The following PTPRT variants were observed in gnomAD, a reference collection of about 807,000 sequenced individuals.
PTPRT encodes the protein receptor-type tyrosine-protein phosphatase T.
A neutral mutation model predicts 176.8 loss-of-function variants in PTPRT; 56 were observed. The ratio of observed to expected loss-of-function variants is 0.32; its 90% confidence interval spans 0.26 to 0.40. The LOEUF is 0.40. Among genes scored for constraint, PTPRT ranks in the 10% least tolerant of loss-of-function variants. The pLI is 1.00. For synonymous variants in PTPRT, 783 were observed against 739.0 expected, an observed-to-expected ratio of 1.06 and a Z score of -0.96; for missense variants, 1,540 against 1,908.2, an observed-to-expected ratio of 0.81 and a Z score of 3.60.
At chr20:42,302,660 T>C (rs574652639) in intron 12 of PTPRT, among the ~76,000 whole-genome samples, 2 of 152,242 alleles carry the variant, frequency 1.3e-5, no homozygotes, top group African/African-American at 2.4e-5. Context: ...CACTGGATTG[T>C]GGGTTCGCTG....
intron 5 of PTPRT, among the ~76,000 whole-genome samples, chr20:42,759,871 G>A (rs1256335000): frequency 1.3e-5 from 2 of 152,196 alleles, no homozygotes; most frequent in African/African-American, 4.8e-5. Context: ...GGCCCCAACA[G>A]GTGGTGTCTC....
At position 42,657,576 on chromosome 20, in the gene PTPRT, A is replaced by T. The variant is rs530927616; in HGVS notation, c.1153+20290T>A. Among the ~76,000 whole-genome samples the T allele has an allele frequency of 4.6e-5, 7 of 151,838 alleles. No individual in the cohort carries two copies. The East Asian group carries it at 9.7e-4, about 21-fold the overall frequency. On this transcript the variant is annotated intron_variant, in intron 7 of 30. Coordinates refer to ENST00000373187, the MANE Select transcript of PTPRT (RefSeq NM_007050.6). ...TTATTAGTATGGCTTTGTGGGGGGG[A>T]AAAATCTGTGCTTCAATGAAAAACT...
chr20:42,420,236 C>T (rs2078036549), intron 9 of PTPRT, among the ~76,000 whole-genome samples: 1 of 152,126 alleles, frequency 6.6e-6, no homozygotes, highest in African/African-American at 2.4e-5. Flanking sequence ...AAAAGTGAAC[C>T]ATTATGTAAA....
intron 2 of PTPRT, among the ~76,000 whole-genome samples, chr20:42,842,501 C>A (rs996270971): frequency 6.6e-6 from 1 of 152,128 alleles, no homozygotes; most frequent in Non-Finnish European, 1.5e-5. Context: ...CTCACTGCAA[C>A]CTCTGCCCCC....
At chr20:42,901,748 G>T (rs573840199) in intron 1 of PTPRT, among the ~76,000 whole-genome samples, 2 of 152,222 alleles carry the variant, frequency 1.3e-5, no homozygotes, top group Admixed American at 1.3e-4. Context: ...GCCCCATTAA[G>T]GAAAGGAAGC....
At chr20:42,943,828 A>G (rs1980717239) in intron 1 of PTPRT, among the ~76,000 whole-genome samples, 1 of 152,074 alleles carries the variant, frequency 6.6e-6, no homozygotes, top group Admixed American at 6.5e-5. Context: ...CAGCCTGGGC[A>G]ACATAGCAAC....
At chr20:42,919,430 C>T (rs1027824212) in intron 1 of PTPRT, among the ~76,000 whole-genome samples, 2 of 152,184 alleles carry the variant, frequency 1.3e-5, no homozygotes, top group South Asian at 2.1e-4. Flanking sequence ...GCCTCAAAGA[C>T]ATGAGAGTGA....
intron 2 of PTPRT, among the ~76,000 whole-genome samples, chr20:42,872,268 A>C (rs780564928): frequency 1.3e-5 from 2 of 152,234 alleles, no homozygotes; most frequent in African/African-American, 4.8e-5. Flanking sequence ...TTTTTAGAAA[A>C]GGGTAATTTC....
intron 12 of PTPRT, among the ~76,000 whole-genome samples, chr20:42,310,763 G>A (rs2057616149): frequency 6.6e-6 from 1 of 152,158 alleles, no homozygotes; most frequent in Admixed American, 6.5e-5. Flanking sequence ...CAGGTGTTGT[G>A]AATTAGGCAC....
chr20:42,538,758 G>A lies in PTPRT; in HGVS notation c.1154-66196C>T, dbSNP rs561419188. Among the ~76,000 whole-genome samples the A allele has an allele frequency of 1.1e-4, 17 of 152,160 alleles. No individual in the cohort carries two copies. In the South Asian group the frequency reaches 3.5e-3, roughly 32 times the overall value. On this transcript the variant is annotated intron_variant, in intron 7 of 30. Transcript: ENST00000373187. ...CAGGGAGATCTTTCTAACCACTCAC[G>A]GAGGCTGCTTCACTAATAGTAATCT...
intron 17 of PTPRT, among the ~76,000 whole-genome samples, chr20:42,150,393 G>C (rs890758069): frequency 6.6e-6 from 1 of 152,144 alleles, no homozygotes. Flanking sequence ...GCCAGGGATC[G>C]CTGATGAGGC....
chr20:42,189,253 C>A (rs1990899079), intron 16 of PTPRT, among the ~76,000 whole-genome samples: 1 of 152,194 alleles, frequency 6.6e-6, no homozygotes. Flanking sequence ...TGTTCTCTTG[C>A]ACTATTTTCA....
intron 1 of PTPRT, among the ~76,000 whole-genome samples, chr20:42,888,601 C>T (rs548895272): frequency 6.6e-6 from 1 of 152,300 alleles, no homozygotes; most frequent in South Asian, 2.1e-4. Context: ...GAGCCCATGC[C>T]CATCCTAATA....
At chr20:42,652,824 T>C (rs566199889) in intron 7 of PTPRT, among the ~76,000 whole-genome samples, 1 of 152,120 alleles carries the variant, frequency 6.6e-6, no homozygotes, top group Non-Finnish European at 1.5e-5. Flanking sequence ...GGTAGAATAA[T>C]CAGAATGGAT....
chr20:42,528,712 G>C (rs1205097290), intron 7 of PTPRT, among the ~76,000 whole-genome samples: 2 of 152,008 alleles, frequency 1.3e-5, no homozygotes, highest in Non-Finnish European at 2.9e-5. Flanking sequence ...TACTAAAAAC[G>C]GTTCATTATC....
At chr20:42,265,383 C>G (rs1166800782) in intron 13 of PTPRT, among the ~76,000 whole-genome samples, 1 of 152,202 alleles carries the variant, frequency 6.6e-6, no homozygotes, top group Non-Finnish European at 1.5e-5. Context: ...ACTGTGACTA[C>G]TAACAGTACT....
At chr20:42,653,940 T>G (rs2075077010) in intron 7 of PTPRT, among the ~76,000 whole-genome samples, 1 of 152,224 alleles carries the variant, frequency 6.6e-6, no homozygotes, top group Non-Finnish European at 1.5e-5. Flanking sequence ...CTTTTTACAT[T>G]TTTGAGTCAA....
intron 1 of PTPRT, among the ~76,000 whole-genome samples, chr20:43,027,475 CAA>C (rs3092377): frequency 7.2e-6 from 1 of 139,454 alleles, no homozygotes; most frequent in Admixed American, 7.2e-5. Context: ...GACTCCACCT[CAA>C]AAAAAAAAAA....
chr20:43,026,969 A>G (rs957506465), intron 1 of PTPRT, among the ~76,000 whole-genome samples: 16 of 152,150 alleles, frequency 1.1e-4, no homozygotes, highest in Middle Eastern at 3.4e-3. Context: ...TTTTCCATTC[A>G]TCTGTTGATG....
Sources: allele counts gnomAD v4.1 joint callset (sites outside exome capture counted in the v4.1 genomes callset), GRCh38; gene constraint gnomAD v4.1.1; transcripts MANE v1.5; gene names NCBI Gene and HGNC (gene_info 2026-07-23, HGNC 2026-07-21).